RGS3: variants seen among roughly 807,000 people sequenced by gnomAD.
RGS3 encodes the protein regulator of G protein signaling 3.
Under a neutral mutation model 132.6 loss-of-function variants are expected in RGS3, and 80 were observed. The observed-to-expected ratio is 0.60, with a 90% CI of 0.50 to 0.73. The LOEUF is 0.73. Ranked by LOEUF, RGS3 falls within the 30% of genes least tolerant of loss-of-function variation. The probability of loss-of-function intolerance (pLI) is 0.00; values close to 1 mark genes in which losing one functional copy is unlikely to be tolerated. For synonymous variants in RGS3, 598 were observed against 620.6 expected (o/e 0.96, Z 0.54); for missense variants, 1,382 against 1,530.8 (o/e 0.90, Z 1.62).
At chr9:113,475,357 G>A (rs1440888475) in intron 3 of RGS3, among the ~76,000 whole-genome samples, 5 of 152,056 alleles carry the variant, frequency 3.3e-5, no homozygotes, top group Non-Finnish European at 5.9e-5. Flanking sequence ...GGAATGGGGA[G>A]TGTTGAAAAA....
At chr9:113,474,889 A>C (rs1194546527) in intron 3 of RGS3, among the ~76,000 whole-genome samples, 3 of 152,144 alleles carry the variant, frequency 2.0e-5, no homozygotes, top group Admixed American at 2.0e-4. Flanking sequence ...AAAGGTGTGC[A>C]GTCCCCATCT....
chr9:113,519,792 G>A (rs955600989), intron 16 of RGS3, among the ~76,000 whole-genome samples: 1 of 151,972 alleles, frequency 6.6e-6, no homozygotes, highest in African/African-American at 2.4e-5. Flanking sequence ...ACTTCTCTGG[G>A]CATGCTCAAG....
intron 14 of RGS3, 97 bp from the exon 13 acceptor site, chr9:113,514,361 T>C (rs1831547886): frequency 2.7e-6 from 3 of 1,095,696 alleles, no homozygotes; most frequent in African/African-American, 3.1e-5. Context: ...AGAAAGTGGT[T>C]GTTGACGGAA....
chr9:113,496,026 G>C (rs1830672732), intron 8 of RGS3, among the ~76,000 whole-genome samples, 180 bp downstream of exon 6: 2 of 152,202 alleles, frequency 1.3e-5, no homozygotes, highest in African/African-American at 4.8e-5. Context: ...CTAGCTGAGA[G>C]TTTGGGTCCC....
chr9:113,466,454 G>C (rs1217295441), intron 3 of RGS3, among the ~76,000 whole-genome samples: 1 of 152,216 alleles, frequency 6.6e-6, no homozygotes, highest in Non-Finnish European at 1.5e-5. Context: ...ATGTATTTGT[G>C]TGTACACATG....
At position 113,462,202 on chromosome 9, in the gene RGS3, G is replaced by A; in HGVS notation, c.415+1G>A. 1 of 1,585,652 alleles carries A rather than the reference G, an allele frequency of 6.3e-7. No individual in the cohort carries two copies. Among genetic ancestry groups the A allele is most frequent in the Non-Finnish European group, 8.6e-7 (1 of 1,161,856 alleles). ...ACGCATGCCAAAGTCCAGGGTGCAGGTAAGTCCATCTGTCACTGGCTTGAG... is the reference window on the plus strand; with the variant it reads ...ACGCATGCCAAAGTCCAGGGTGCAGATAAGTCCATCTGTCACTGGCTTGAG... On this transcript the variant is annotated splice_donor_variant, in intron 3 of 24. Transcript: ENST00000350696. LOFTEE classifies it high-confidence loss of function.
chr9:113,596,881 G>A (rs370256072), exon 25 of RGS3: 31 of 1,613,834 alleles, frequency 1.9e-5, no homozygotes, highest in African/African-American at 1.5e-4. Flanking sequence ...AAAAGGACTC[G>A]TACCCTCGCT....
intron 10 of RGS3, among the ~76,000 whole-genome samples, chr9:113,504,671 G>A (rs1463163311): frequency 6.6e-6 from 1 of 152,246 alleles, no homozygotes; most frequent in Non-Finnish European, 1.5e-5. Context: ...AGCCTGGCAT[G>A]CTGTAGGAGC....
intron 23 of RGS3, 118 bp from the exon 22 acceptor site, chr9:113,595,481 G>A: frequency 1.7e-6 from 2 of 1,145,564 alleles, no homozygotes; most frequent in Non-Finnish European, 2.5e-6. Flanking sequence ...TCGGGGACGG[G>A]CATTGTACTC....
intron 17 of RGS3, 147 bp from the exon 16 acceptor site, chr9:113,529,074 A>T: frequency 2.9e-6 from 2 of 687,960 alleles, no homozygotes; most frequent in South Asian, 1.7e-5. Flanking sequence ...TCCTCCAGAG[A>T]CTTCCCTGCC....
chr9:113,514,388 G>A (rs1831549906), intron 14 of RGS3, 70 bp from the exon 13 acceptor site: 2 of 1,385,404 alleles, frequency 1.4e-6, no homozygotes, highest in African/African-American at 2.9e-5. Flanking sequence ...CGTGTCCCCT[G>A]TTTCTACAGA....
At chr9:113,483,205 C>T in intron 5 of RGS3, 88 bp downstream of exon 3, 2 of 918,930 alleles carry the variant, frequency 2.2e-6, no homozygotes, top group Non-Finnish European at 3.4e-6. Flanking sequence ...ACCTGTGGGG[C>T]TGGTGACCTT....
chr9:113,472,153 T>G (rs1829855589), intron 3 of RGS3, among the ~76,000 whole-genome samples: 1 of 152,180 alleles, frequency 6.6e-6, no homozygotes, highest in Non-Finnish European at 1.5e-5. Flanking sequence ...TTGGAACCCT[T>G]GTACACTGCC....
At chr9:113,585,112 A>G (rs552291253) in intron 20 of RGS3, among the ~76,000 whole-genome samples, 26 of 152,356 alleles carry the variant, frequency 1.7e-4, no homozygotes, top group African/African-American at 4.8e-4. Flanking sequence ...GCTCTGCAAC[A>G]TGGCAGGAGC....
intron 15 of RGS3, chr9:113,517,152 C>T (rs1831712667): frequency 2.6e-5 from 12 of 457,742 alleles, no homozygotes; most frequent in Non-Finnish European, 5.2e-5. Context: ...CAGGATGCCT[C>T]TTGGTCCTGT....
intron 1 of RGS3, among the ~76,000 whole-genome samples, chr9:113,453,037 T>TATATA: frequency 7.5e-6 from 1 of 132,720 alleles, no homozygotes; most frequent in Non-Finnish European, 1.5e-5. Flanking sequence ...ATATATAATA[T>TATATA]ATATAATATA....
rs1399307480 is a variant in RGS3, at chr9:113,595,098, G to A, written c.3244+118G>A. ...GCCTTCCCTCTCCTCGGCCGTCAGG[G>A]TGTCCTTGCTGTTGCGGAGGGGCTG... On this transcript the variant is annotated intron_variant, in intron 23 of 24. Coordinates refer to ENST00000350696, the Ensembl canonical transcript of RGS3. 13 of 976,318 alleles carry A rather than the reference G, an allele frequency of 1.3e-5. No homozygotes were observed. In the South Asian group the frequency reaches 1.6e-4, roughly 12 times the overall value. 60.5% of individuals were successfully genotyped at this position (976,318 alleles called of 1,614,324 possible). A position where few individuals can be genotyped will look rare whatever the true frequency, so the allele number is the denominator to read the frequency against.
intron 3 of RGS3, among the ~76,000 whole-genome samples, chr9:113,476,115 C>G (rs1325862689): frequency 6.6e-6 from 1 of 152,054 alleles, no homozygotes; most frequent in Non-Finnish European, 1.5e-5. Flanking sequence ...CTCTTGGTTT[C>G]TTGAGAAAAG....
rs1454627453 is a variant in RGS3, at chr9:113,449,773, C to T, written c.-13+4846C>T. On this transcript the variant is annotated intron_variant, in intron 1 of 25. Coordinates refer to the RGS3 transcript ENST00000374140. ...AATTTTATTTTTTGAGACAGAGTCTCACTCTGTTGCCCAGGCTGGAGTGCA... is the reference window on the plus strand; with the variant it reads ...AATTTTATTTTTTGAGACAGAGTCTTACTCTGTTGCCCAGGCTGGAGTGCA... Among the ~76,000 whole-genome samples the T allele has an allele frequency of 2.0e-5, 3 of 152,294 alleles. No homozygotes were observed. In the East Asian group the frequency reaches 5.8e-4, roughly 29 times the overall value.
Sources: gnomAD v4.1 joint callset for allele counts (sites outside exome capture counted in the v4.1 genomes callset) on GRCh38, gnomAD v4.1.1 for gene constraint, MANE v1.5 for transcripts, NCBI Gene and HGNC (gene_info 2026-07-23, HGNC 2026-07-21) for gene names.